The following MARCHF2 variants were observed in gnomAD, a reference collection of about 807,000 sequenced individuals.
The protein encoded by MARCHF2 is membrane associated ring-CH-type finger 2, also known as E3 ubiquitin-protein ligase MARCHF2.
In MARCHF2, 22 loss-of-function variants were observed where a neutral mutation model predicts 24.0. The observed-to-expected ratio is 0.92, with a 90% CI of 0.66 to 1.31. The LOEUF (loss-of-function observed/expected upper bound fraction) is 1.31. MARCHF2 is among the 50% of genes most tolerant of loss of function. The pLI, the probability that MARCHF2 is intolerant of heterozygous loss-of-function variation, is 0.00. For missense variants in MARCHF2, 301 were observed against 335.3 expected (o/e 0.90, Z 0.80); for synonymous variants, 154 against 153.0 (o/e 1.01, Z -0.05).
At chr19:8,426,525 G>C in intron 2 of MARCHF2, 84 bp from the exon 3 acceptor site, 1 of 1,125,234 alleles carries the variant, frequency 8.9e-7, no homozygotes, top group Non-Finnish European at 1.3e-6. Flanking sequence ...ATGGGGTAAG[G>C]GTGAGCTTGT....
chr19:8,430,336 C>G lies in MARCHF2; in HGVS notation c.373-322C>G, dbSNP rs946642049. On this transcript the variant is annotated intron_variant, in intron 3 of 4. Coordinates refer to ENST00000215555, the MANE Select transcript of MARCHF2 (RefSeq NM_001005415.2). The surrounding 1 kb of genome is among the most constrained non-coding windows in gnomAD (Gnocchi z 4.4). ...CGAGATCGTGCCACGGCACTCCAGC[C>G]TGGCTGACAGAGCGAGACTCTGTCT... Among the ~76,000 whole-genome samples, 2 of 151,998 alleles carry G rather than the reference C, an allele frequency of 1.3e-5. No homozygotes were observed. The highest frequency in any genetic ancestry group is 2.4e-5 in the African/African-American group (1 of 41,398).
chr19:8,414,167 T>C (rs8105655), intron 1 of MARCHF2, among the ~76,000 whole-genome samples: 40,450 of 152,124 alleles, frequency 0.27, 5,738 homozygotes, highest in Non-Finnish European at 0.31. Context: ...GTGTGACCTC[T>C]CATCAACAAC....
At position 8,415,721 on chromosome 19, in the gene MARCHF2, C is replaced by CAAAAAAAAAAAAA. The variant is rs1309501077; in HGVS notation, c.-53+2302_-53+2314dup. Reference sequence around the variant, plus strand: ...GGGCAACAAGAGTGAAACTCCATCTCAAAAAAAAAAAAACAAAAAAAACAA... The same window carrying CAAAAAAAAAAAAA: ...GGGCAACAAGAGTGAAACTCCATCTCAAAAAAAAAAAAAAAAAAAAAAAAAACAAAAAAAACAA... On this transcript the variant is annotated intron_variant, in intron 1 of 4. Transcript: ENST00000215555. Among the ~76,000 whole-genome samples, 52 of 17,792 alleles carry CAAAAAAAAAAAAA rather than the reference C, an allele frequency of 2.9e-3. 5 individuals carry two copies. The highest frequency in any genetic ancestry group is 4.6e-3 in the South Asian group (2 of 432). The allele number at this position is 17,792 out of a possible 152,430, so 11.7% of individuals were successfully genotyped here. A position where few individuals can be genotyped will look rare whatever the true frequency, so the allele number is the denominator to read the frequency against.
intron 4 of MARCHF2, among the ~76,000 whole-genome samples, chr19:8,434,782 C>T (rs1283421059): frequency 3.3e-5 from 5 of 152,134 alleles, no homozygotes; most frequent in Admixed American, 3.3e-4. Flanking sequence ...TCTCAGTTTA[C>T]TGCAACTTCC....
chr19:8,416,115 G>C (rs1482354337), intron 1 of MARCHF2, among the ~76,000 whole-genome samples: 14 of 151,978 alleles, frequency 9.2e-5, no homozygotes, highest in Non-Finnish European at 5.9e-5. Context: ...AGGCTGAGGT[G>C]GGCGGATCAC....
At chr19:8,414,292 CAG>C (rs368190857) in intron 1 of MARCHF2, among the ~76,000 whole-genome samples, 16 of 149,866 alleles carry the variant, frequency 1.1e-4, no homozygotes, top group South Asian at 8.4e-4. Context: ...TTTTTTTAGA[CAG>C]AGTCTCTCTC....
intron 4 of MARCHF2, among the ~76,000 whole-genome samples, chr19:8,437,074 G>A (rs1967745670): frequency 6.6e-6 from 1 of 151,594 alleles, no homozygotes; most frequent in South Asian, 2.1e-4. Context: ...CAACCTCCAG[G>A]GCTCAAATGA....
intron 4 of MARCHF2, among the ~76,000 whole-genome samples, chr19:8,434,084 T>TC (rs1180126091): frequency 2.1e-5 from 3 of 144,742 alleles, no homozygotes; most frequent in Non-Finnish European, 4.6e-5. Flanking sequence ...AGCATTTCTT[T>TC]TTTTTTTTTT....
chr19:8,436,688 T>C (rs1236190444), intron 4 of MARCHF2, among the ~76,000 whole-genome samples: 2 of 145,268 alleles, frequency 1.4e-5, no homozygotes, highest in Non-Finnish European at 3.0e-5. Context: ...TTTTTTTTTT[T>C]TTTTTTTTTT....
intron 1 of MARCHF2, among the ~76,000 whole-genome samples, chr19:8,421,162 G>A (rs866928788): frequency 2.5e-4 from 37 of 147,168 alleles, no homozygotes; most frequent in Admixed American, 1.0e-3. Flanking sequence ...TTGCTCTGTC[G>A]CCCAGGCTGG....
chr19:8,415,721 C>CAAAA (rs1309501077), intron 1 of MARCHF2, among the ~76,000 whole-genome samples: 26 of 17,802 alleles, frequency 1.5e-3, no homozygotes, highest in Admixed American at 2.9e-3. Flanking sequence ...AACTCCATCT[C>CAAAA]AAAAAAAAAA....
chr19:8,430,565 A>G lies in MARCHF2; in HGVS notation c.373-93A>G. 1 of 925,674 alleles carries G rather than the reference A, an allele frequency of 1.1e-6. No homozygotes were observed. Among genetic ancestry groups the G allele is most frequent in the Middle Eastern group, 3.5e-4 (1 of 2,870 alleles). 57.3% of individuals were successfully genotyped at this position (925,674 alleles called of 1,614,324 possible). On this transcript the variant is annotated intron_variant, in intron 3 of 4. Coordinates refer to ENST00000215555, the MANE Select transcript of MARCHF2 (RefSeq NM_001005415.2). The surrounding 1 kb of genome is among the most constrained non-coding windows in gnomAD (Gnocchi z 4.4). The stretch of plus-strand genomic sequence containing the variant: ...AAAAAAAAAGAAAGAAGGAAAGGAC[A>G]GAGGGAGGCCTAGGCCTGGAGGTCC...
At chr19:8,437,072 A>G (rs1967745531) in intron 4 of MARCHF2, among the ~76,000 whole-genome samples, 1 of 149,410 alleles carries the variant, frequency 6.7e-6, no homozygotes, top group African/African-American at 2.5e-5. Flanking sequence ...GTCAACCTCC[A>G]GGGCTCAAAT....
intron 3 of MARCHF2, 91 bp downstream of exon 3, chr19:8,426,895 T>G (rs1162684034): frequency 8.2e-7 from 1 of 1,216,870 alleles, no homozygotes; most frequent in Admixed American, 2.1e-5. Context: ...AATCTGGTGG[T>G]CCTCCTAGGG....
At chr19:8,436,259 C>T (rs966991281) in intron 4 of MARCHF2, among the ~76,000 whole-genome samples, 10 of 151,710 alleles carry the variant, frequency 6.6e-5, no homozygotes, top group East Asian at 1.9e-4. Context: ...CTCAGCCTCC[C>T]GAGTAGCTGG....
At chr19:8,413,912 C>T (rs1197962712) in intron 1 of MARCHF2, 1 of 152,222 alleles carries the variant, frequency 6.6e-6, no homozygotes, top group Admixed American at 6.6e-5. Context: ...TCATTCAGTT[C>T]TTTTGAAACC....
intron 3 of MARCHF2, among the ~76,000 whole-genome samples, chr19:8,427,150 C>T (rs1463005326): frequency 2.0e-5 from 3 of 152,000 alleles, no homozygotes; most frequent in South Asian, 2.1e-4. Flanking sequence ...CAGGTTCAAG[C>T]GATTCTTCTG....
Position 8,430,628 on chromosome 19 carries a change from C to G in MARCHF2, c.373-30C>G. ...CTCAGTAGCCCCTTCTCTGCCCCCT[C>G]TCCTCTGCCCCCTATCCTCTCCCCT... is the stretch of plus-strand genomic sequence containing the variant. On this transcript the variant is annotated intron_variant, in intron 3 of 4. Coordinates refer to ENST00000215555, the MANE Select transcript of MARCHF2 (RefSeq NM_001005415.2). The surrounding 1 kb of genome is among the most constrained non-coding windows in gnomAD (Gnocchi z 4.4). The G allele has an allele frequency of 6.3e-7, 1 of 1,590,704 alleles. No individual in the cohort carries two copies. The highest frequency in any genetic ancestry group is 8.6e-7 in the Non-Finnish European group (1 of 1,169,072).
intron 2 of MARCHF2, among the ~76,000 whole-genome samples, chr19:8,425,380 C>T (rs1967369510): frequency 6.7e-6 from 1 of 149,008 alleles, no homozygotes; most frequent in South Asian, 2.1e-4. Flanking sequence ...AGCCTGATGA[C>T]AGAGCGAGAC....
Sources: allele counts gnomAD v4.1 joint callset (sites outside exome capture counted in the v4.1 genomes callset), GRCh38; gene constraint gnomAD v4.1.1; non-coding constraint Gnocchi (gnomAD v3.1); transcripts MANE v1.5; gene names NCBI Gene and HGNC (gene_info 2026-07-23, HGNC 2026-07-21).